The following GOLGA5 variants were observed in gnomAD, a reference collection of about 807,000 sequenced individuals.
GOLGA5 encodes the protein golgin subfamily A member 5.
Under a neutral mutation model 93.5 loss-of-function variants are expected in GOLGA5, and 50 were observed. The observed-to-expected ratio is 0.53, with a 90% CI of 0.43 to 0.68. The LOEUF is 0.68. GOLGA5 is among the 30% of genes least tolerant of loss of function. The pLI is 0.00. For missense variants in GOLGA5, 760 were observed against 856.4 expected (o/e 0.89, Z 1.40); for synonymous variants, 312 against 304.5 (o/e 1.02, Z -0.26).
At chr14:92,806,633 G>GT (rs1884991974) in intron 2 of GOLGA5, 103 bp from the exon 3 acceptor site, 2 of 772,408 alleles carry the variant, frequency 2.6e-6, no homozygotes, top group Non-Finnish European at 4.4e-6. Context: ...TTTTTATGGT[G>GT]TTTTAGCTGT....
chr14:92,816,532 G>A (rs539292503), intron 7 of GOLGA5, 111 bp downstream of exon 7: 6 of 659,042 alleles, frequency 9.1e-6, no homozygotes, highest in Admixed American at 8.9e-5. Flanking sequence ...GCTTCTCTTC[G>A]CTTCGCTTCG....
chr14:92,826,775 T>G (rs1885432045), intron 9 of GOLGA5, among the ~76,000 whole-genome samples: 1 of 152,086 alleles, frequency 6.6e-6, no homozygotes. Context: ...AATGAACCTT[T>G]ATTTTTATCC....
At chr14:92,827,914 A>G (rs908888300) in intron 9 of GOLGA5, among the ~76,000 whole-genome samples, 6 of 152,232 alleles carry the variant, frequency 3.9e-5, no homozygotes, top group African/African-American at 1.4e-4. Flanking sequence ...ACTCTCTTCA[A>G]TTCTGTGAAG....
At chr14:92,826,575 G>A (rs117999746) in intron 9 of GOLGA5, among the ~76,000 whole-genome samples, 2,201 of 152,016 alleles carry the variant, frequency 0.014, 28 homozygotes, top group Middle Eastern at 0.048. Context: ...GTGCAGACCT[G>A]TAATACCAGC....
chr14:92,807,862 A>G (rs1885022107), intron 3 of GOLGA5, among the ~76,000 whole-genome samples: 1 of 152,204 alleles, frequency 6.6e-6, no homozygotes, highest in Non-Finnish European at 1.5e-5. Flanking sequence ...GGGGCTAATT[A>G]GAAAGGAGTG....
chr14:92,814,066 A>G (rs1466643755), intron 6 of GOLGA5, among the ~76,000 whole-genome samples: 1 of 152,146 alleles, frequency 6.6e-6, no homozygotes, highest in African/African-American at 2.4e-5. Flanking sequence ...GGAGAGTATG[A>G]CGAATTATGG....
chr14:92,807,202 T>G (rs781371576), intron 3 of GOLGA5, among the ~76,000 whole-genome samples: 1 of 152,102 alleles, frequency 6.6e-6, no homozygotes, highest in Admixed American at 6.5e-5. Context: ...CTCAGGAGGC[T>G]GAGGCAGGGG....
At chr14:92,838,469 G>A (rs1885691600) in intron 12 of GOLGA5, among the ~76,000 whole-genome samples, 1 of 152,100 alleles carries the variant, frequency 6.6e-6, no homozygotes, top group Non-Finnish European at 1.5e-5. Flanking sequence ...CCAGGTTCAA[G>A]CGATTCTCCT....
chr14:92,837,314 AT>A, intron 11 of GOLGA5, 71 bp from the exon 12 acceptor site: 1 of 758,746 alleles, frequency 1.3e-6, no homozygotes, highest in South Asian at 1.6e-5. Flanking sequence ...ATCATTAGAT[AT>A]TACCACAGGA....
In GOLGA5 at chr14:92,809,397, G is replaced by A. The variant is rs1267558967; in HGVS notation, c.870G>A (p.Leu290=). The A allele has an allele frequency of 1.2e-6, 2 of 1,613,692 alleles. No individual in the cohort carries two copies. Among genetic ancestry groups the A allele is most frequent in the South Asian group, 1.1e-5 (1 of 91,078 alleles). The change falls in exon 4 of 13, where the codon CTG becomes CTA. Residue 290 remains leucine, a synonymous_variant. Coordinates refer to ENST00000163416, the MANE Select transcript of GOLGA5 (RefSeq NM_005113.4). ...GACTCCGAGCCCAAGTAGATGACCT[G>A]ACTGAAGCTGTGGCTGCAAAGGATT... ...TRGLRAQVDD[L]TEAVAAKDSQ...
At chr14:92,833,603 A>G (rs1885576040) in intron 10 of GOLGA5, among the ~76,000 whole-genome samples, 1 of 152,236 alleles carries the variant, frequency 6.6e-6, no homozygotes, top group Non-Finnish European at 1.5e-5. Flanking sequence ...ACACTTAACA[A>G]GATGATGCTG....
intron 11 of GOLGA5, among the ~76,000 whole-genome samples, chr14:92,836,881 A>G (rs535100173): frequency 2.6e-3 from 393 of 152,258 alleles, no homozygotes; most frequent in African/African-American, 8.8e-3. Flanking sequence ...CCTGGCCAAC[A>G]TGGCGAAACC....
chr14:92,810,420 G>T, intron 5 of GOLGA5, 43 bp downstream of exon 5: 1 of 1,447,590 alleles, frequency 6.9e-7, no homozygotes, highest in African/African-American at 1.5e-5. Flanking sequence ...ACTTGGACAC[G>T]GAAAAAATGA....
At chr14:92,796,779 G>C (rs1019141746) in intron 1 of GOLGA5, among the ~76,000 whole-genome samples, 1 of 101,830 alleles carries the variant, frequency 9.8e-6, no homozygotes, top group Non-Finnish European at 1.9e-5. Context: ...GACCATCCCG[G>C]CTAACAAGGT....
intron 2 of GOLGA5, among the ~76,000 whole-genome samples, chr14:92,798,283 GA>G (rs1884782862): frequency 6.6e-6 from 1 of 152,192 alleles, no homozygotes. Context: ...TTTGAAATCT[GA>G]AAGAAAACAT....
intron 1 of GOLGA5, among the ~76,000 whole-genome samples, chr14:92,795,371 G>GT (rs1429382170): frequency 1.3e-5 from 2 of 152,212 alleles, no homozygotes; most frequent in East Asian, 1.9e-4. Flanking sequence ...TCTTCTTGAG[G>GT]TTTTTTAGAT....
At chr14:92,810,162 G>T in intron 4 of GOLGA5, 92 bp from the exon 5 acceptor site, 1 of 820,298 alleles carries the variant, frequency 1.2e-6, no homozygotes, top group Non-Finnish European at 2.0e-6. Flanking sequence ...TCTTTTTTGT[G>T]CTTGACTAAA....
intron 2 of GOLGA5, among the ~76,000 whole-genome samples, chr14:92,805,239 C>A (rs1380487045): frequency 6.6e-6 from 1 of 152,132 alleles, no homozygotes. Flanking sequence ...TCTAAAACTT[C>A]ATATAAATTG....
chr14:92,813,427 G>A (rs1885142651), intron 6 of GOLGA5, among the ~76,000 whole-genome samples: 1 of 152,166 alleles, frequency 6.6e-6, no homozygotes, highest in South Asian at 2.1e-4. Context: ...AAAGATCACT[G>A]GACTGAGGAG....
Sources: gnomAD v4.1 joint callset for allele counts (sites outside exome capture counted in the v4.1 genomes callset) on GRCh38, gnomAD v4.1.1 for gene constraint, MANE v1.5 for transcripts, NCBI Gene and HGNC (gene_info 2026-07-23, HGNC 2026-07-21) for gene names.